EPB41L4B: variants seen among roughly 807,000 people sequenced by gnomAD.
EPB41L4B encodes erythrocyte membrane protein band 4.1 like 4B.
Under a neutral mutation model 112.5 loss-of-function variants are expected in EPB41L4B, and 30 were observed. The observed-to-expected ratio is 0.27, with a 90% CI of 0.20 to 0.36. The LOEUF is 0.36. EPB41L4B is among the 10% of genes least tolerant of loss of function. The pLI, the probability that EPB41L4B is intolerant of heterozygous loss-of-function variation, is 1.00. For missense variants in EPB41L4B, 1,024 were observed against 1,133.3 expected (o/e 0.90, Z 1.38); for synonymous variants, 408 against 439.7 (o/e 0.93, Z 0.90).
chr9:109,263,172 A>T (rs1446812363), intron 5 of EPB41L4B, 70 bp from the exon 6 acceptor site: 2 of 1,041,646 alleles, frequency 1.9e-6, no homozygotes, highest in African/African-American at 3.2e-5. Context: ...TGTCATTAAA[A>T]TCATTTTTCA....
chr9:109,200,154 C>A, intron 20 of EPB41L4B, 82 bp downstream of exon 20: 1 of 1,210,054 alleles, frequency 8.3e-7, no homozygotes, highest in South Asian at 1.3e-5. Context: ...TGGGACTAGT[C>A]AGAAGGGCTA....
intron 2 of EPB41L4B, among the ~76,000 whole-genome samples, chr9:109,274,605 T>G (rs1835744644): frequency 6.6e-6 from 1 of 152,168 alleles, no homozygotes; most frequent in Admixed American, 6.5e-5. Flanking sequence ...AAGCTCCAAG[T>G]CAAAGCTGGC....
At chr9:109,307,746 C>T (rs1837264610) in intron 1 of EPB41L4B, among the ~76,000 whole-genome samples, 1 of 152,128 alleles carries the variant, frequency 6.6e-6, no homozygotes, top group Non-Finnish European at 1.5e-5. Flanking sequence ...GGATGATGCC[C>T]ACATCCATCA....
At chr9:109,206,054 A>G (rs1564264914) in intron 18 of EPB41L4B, among the ~76,000 whole-genome samples, 1 of 152,258 alleles carries the variant, frequency 6.6e-6, no homozygotes, top group Admixed American at 6.5e-5. Context: ...TATAAATGGA[A>G]ATAATAATAG....
intron 1 of EPB41L4B, among the ~76,000 whole-genome samples, chr9:109,285,230 G>T (rs151176996): frequency 6.6e-6 from 1 of 152,194 alleles, no homozygotes; most frequent in African/African-American, 2.4e-5. Context: ...CTCTACTTAC[G>T]TAAAATGAAG....
chr9:109,187,540 A>G (rs1832312918), intron 22 of EPB41L4B, among the ~76,000 whole-genome samples: 1 of 152,062 alleles, frequency 6.6e-6, no homozygotes, highest in Non-Finnish European at 1.5e-5. Flanking sequence ...GCTGCTCTCT[A>G]TGGACCTCAG....
rs1204077077 is a variant in EPB41L4B at position 109,320,698 on chromosome 9, C to T, written c.-252G>A. On this transcript the variant is annotated 5_prime_UTR_variant, in exon 1 of 26. Coordinates refer to ENST00000374566, the MANE Select transcript of EPB41L4B (RefSeq NM_019114.5). ...GGCGGGAGGGCGCGCTCGGGGCCGTCCCGCCGCCGCCGCCGCCGCGCGCTC... is the reference window on the plus strand; with the variant it reads ...GGCGGGAGGGCGCGCTCGGGGCCGTTCCGCCGCCGCCGCCGCCGCGCGCTC... The T allele has an allele frequency of 2.1e-5, 3 of 144,436 alleles. No homozygotes were observed. The highest frequency in any genetic ancestry group is 3.1e-5 in the Non-Finnish European group (2 of 65,248). The allele number at this position is 144,436 out of a possible 1,614,324, so 8.9% of individuals were successfully genotyped here. A position where few individuals can be genotyped will look rare whatever the true frequency, so the allele number is the denominator to read the frequency against.
intron 1 of EPB41L4B, among the ~76,000 whole-genome samples, chr9:109,296,256 C>T (rs1362623282): frequency 6.6e-6 from 1 of 152,172 alleles, no homozygotes; most frequent in African/African-American, 2.4e-5. Context: ...TCGCACATGA[C>T]GCTTCCTGAA....
At chr9:109,223,380 G>T (rs1245444494) in intron 15 of EPB41L4B, among the ~76,000 whole-genome samples, 1 of 148,914 alleles carries the variant, frequency 6.7e-6, no homozygotes, top group Non-Finnish European at 1.5e-5. Context: ...GCTGCAGTGT[G>T]ATCCAAGATC....
At chr9:109,184,083 C>T (rs896189927) in intron 23 of EPB41L4B, among the ~76,000 whole-genome samples, 6 of 152,010 alleles carry the variant, frequency 3.9e-5, no homozygotes, top group Admixed American at 2.0e-4. Flanking sequence ...AGAGAAGGAC[C>T]CTTGGGGTGA....
intron 24 of EPB41L4B, among the ~76,000 whole-genome samples, chr9:109,177,926 C>T (rs973373576): frequency 6.6e-6 from 1 of 151,778 alleles, no homozygotes; most frequent in Non-Finnish European, 1.5e-5. Context: ...TTCTCTCTCT[C>T]TTTCTTTCTT....
chr9:109,265,245 G>T (rs1014888180), intron 4 of EPB41L4B, among the ~76,000 whole-genome samples: 1 of 152,322 alleles, frequency 6.6e-6, no homozygotes, highest in East Asian at 1.9e-4. Flanking sequence ...TGGGGAACTC[G>T]CAAGATACTT....
intron 18 of EPB41L4B, among the ~76,000 whole-genome samples, chr9:109,204,998 C>T (rs372182761): frequency 1.3e-5 from 2 of 152,186 alleles, no homozygotes; most frequent in African/African-American, 4.8e-5. Flanking sequence ...CCAAAGCATG[C>T]TTCTGTGTTC....
At chr9:109,175,147 G>C (rs1368077665) in intron 25 of EPB41L4B, among the ~76,000 whole-genome samples, 1 of 151,426 alleles carries the variant, frequency 6.6e-6, no homozygotes, top group African/African-American at 2.4e-5. Flanking sequence ...GAACTCCTGA[G>C]CTCAGGCAAT....
At chr9:109,308,077 G>T (rs1837282288) in intron 1 of EPB41L4B, among the ~76,000 whole-genome samples, 1 of 152,158 alleles carries the variant, frequency 6.6e-6, no homozygotes. Context: ...GGTTCAAGCT[G>T]TCCCACACTC....
At chr9:109,190,407 G>A (rs1832420418) in intron 22 of EPB41L4B, among the ~76,000 whole-genome samples, 1 of 152,256 alleles carries the variant, frequency 6.6e-6, no homozygotes, top group African/African-American at 2.4e-5. Context: ...GGAAGGCCCA[G>A]AGAGAGCAGC....
rs1050164349 is a variant in EPB41L4B at position 109,320,208 on chromosome 9, G to C, written c.239C>G (p.Ala80Gly). 43 of 1,432,512 alleles carry C rather than the reference G, an allele frequency of 3.0e-5. No individual in the cohort carries two copies. The highest frequency in any genetic ancestry group is 3.9e-5 in the Non-Finnish European group (42 of 1,088,308). The allele number at this position is 1,432,512 out of a possible 1,614,324, so 88.7% of individuals were successfully genotyped here. A position where few individuals can be genotyped will look rare whatever the true frequency, so the allele number is the denominator to read the frequency against. The change falls in exon 1 of 26, where the codon GCC (alanine) becomes GGC (glycine). Residue 80 changes from alanine (A) to glycine (G), a missense_variant. By Grantham distance (60) the Ala-to-Gly change is moderately conservative. Transcript: ENST00000374566. ...GAAVHISAAGAAKATLYCRVF... is the reference protein window; with the variant it reads ...GAAVHISAAGGAKATLYCRVF... ...GCGGCAGTAGAGGGTGGCCTTGGCG[G>C]CGCCGGCGGCGGAGATGTGCACGGC...
chr9:109,303,383 T>C (rs966209727), intron 1 of EPB41L4B, among the ~76,000 whole-genome samples: 1 of 152,194 alleles, frequency 6.6e-6, no homozygotes, highest in Non-Finnish European at 1.5e-5. Flanking sequence ...TCTTGCTCTG[T>C]CTCCCAGGCT....
intron 15 of EPB41L4B, among the ~76,000 whole-genome samples, chr9:109,233,680 G>A (rs568891577): frequency 9.9e-5 from 15 of 152,046 alleles, no homozygotes; most frequent in African/African-American, 1.4e-4. Flanking sequence ...ACAGGCATGC[G>A]CCACCAGGTC....
Sources: allele counts gnomAD v4.1 joint callset (sites outside exome capture counted in the v4.1 genomes callset), GRCh38; gene constraint gnomAD v4.1.1; transcripts MANE v1.5; gene names NCBI Gene and HGNC (gene_info 2026-07-23, HGNC 2026-07-21).